EHBP1: variants seen among roughly 807,000 people sequenced by gnomAD.
The protein encoded by EHBP1 is EH domain binding protein 1, also known as EH domain-binding protein 1.
Under a neutral mutation model 144.0 loss-of-function variants are expected in EHBP1, and 55 were observed. That is an observed-to-expected ratio of 0.38 (90% CI 0.31 to 0.48). The LOEUF (loss-of-function observed/expected upper bound fraction) is 0.48, where lower values mean the gene tolerates loss of function less well. EHBP1 is among the 20% of genes least tolerant of loss of function. The pLI is 0.98. For synonymous variants in EHBP1, 469 were observed against 472.7 expected (o/e 0.99, Z 0.10); for missense variants, 1,200 against 1,364.2 (o/e 0.88, Z 1.90).
At position 62,979,248 on chromosome 2, in the gene EHBP1, G is replaced by A. The variant is rs771170462; in HGVS notation, c.2521G>A (p.Ala841Thr). The A allele has an allele frequency of 3.1e-6, 5 of 1,613,802 alleles. No homozygotes were observed. The highest frequency in any genetic ancestry group is 2.2e-5 in the East Asian group (1 of 44,844). ...GAGAGCTCGTCAGCTAATAGCAGAAGCTCGATCTGGAGTGAAGATGTCAGA... is the reference window on the plus strand; with the variant it reads ...GAGAGCTCGTCAGCTAATAGCAGAAACTCGATCTGGAGTGAAGATGTCAGA... ...RERARQLIAE[A>T]RSGVKMSELP... The change falls in exon 15 of 23, where the codon GCT becomes ACT. Residue 841 changes from alanine to threonine, a missense_variant. By Grantham distance (58) the Ala-to-Thr change is moderately conservative (BLOSUM62 0). Coordinates refer to ENST00000431489, the MANE Select transcript of EHBP1 (RefSeq NM_001142616.3).
intron 10 of EHBP1, among the ~76,000 whole-genome samples, chr2:62,939,142 T>A (rs2153063837): frequency 6.6e-6 from 1 of 152,304 alleles, no homozygotes; most frequent in East Asian, 1.9e-4. Context: ...AGCAGACAGA[T>A]AATAACCAGT....
intron 20 of EHBP1, among the ~76,000 whole-genome samples, 177 bp downstream of exon 20, chr2:63,037,811 A>ACTT (rs1446971050): frequency 6.6e-6 from 1 of 152,162 alleles, no homozygotes; most frequent in African/African-American, 2.4e-5. Flanking sequence ...AAGAATTTTT[A>ACTT]AATGGAACAG....
chr2:63,040,290 TA>T (rs2061604503), intron 21 of EHBP1, among the ~76,000 whole-genome samples: 1 of 152,020 alleles, frequency 6.6e-6, no homozygotes, highest in South Asian at 2.1e-4. Flanking sequence ...CTTTCACGTA[TA>T]AAAAGATAAA....
At chr2:63,027,217 C>T (rs1316647960) in intron 19 of EHBP1, among the ~76,000 whole-genome samples, 1 of 152,168 alleles carries the variant, frequency 6.6e-6, no homozygotes, top group South Asian at 2.1e-4. Flanking sequence ...AACATCACTA[C>T]CATTATTATT....
chr2:62,756,073 A>G (rs574212876), intron 3 of EHBP1, among the ~76,000 whole-genome samples: 1 of 151,962 alleles, frequency 6.6e-6, no homozygotes. Flanking sequence ...CAAGAGTTTG[A>G]GACCGGCATG....
chr2:62,768,214 A>G (rs2041350556), intron 4 of EHBP1, among the ~76,000 whole-genome samples: 1 of 152,238 alleles, frequency 6.6e-6, no homozygotes, highest in South Asian at 2.1e-4. Flanking sequence ...AACTCATTCA[A>G]AAGATCAACA....
intron 19 of EHBP1, among the ~76,000 whole-genome samples, chr2:63,018,329 C>T (rs1288710671): frequency 6.6e-6 from 1 of 152,094 alleles, no homozygotes; most frequent in Non-Finnish European, 1.5e-5. Context: ...TTCAAGTCTT[C>T]TTTATTCTCA....
chr2:62,700,564 G>A (rs1404009068), intron 1 of EHBP1, among the ~76,000 whole-genome samples: 1 of 152,128 alleles, frequency 6.6e-6, no homozygotes, highest in Non-Finnish European at 1.5e-5. Context: ...TCATCAGCAA[G>A]GACTCTTTTG....
In EHBP1 at chr2:62,848,935, A is replaced by G. The variant is rs1191624363; in HGVS notation, c.635-10234A>G. On this transcript the variant is annotated intron_variant, in intron 7 of 22. Transcript: ENST00000431489. Reference sequence around the variant, plus strand: ...AAAATACTGGAAAGTAGCATGTAAAAATTATAGTAAATATATTAGGTTTGT... The same window carrying G: ...AAAATACTGGAAAGTAGCATGTAAAGATTATAGTAAATATATTAGGTTTGT... 2.6e-5 allele frequency among the ~76,000 whole-genome samples: 4 copies of G among 152,220 alleles called. No individual in the cohort carries two copies. In the East Asian group the frequency reaches 7.7e-4, roughly 29 times the overall value.
At chr2:62,920,580 T>C (rs1409797177) in intron 10 of EHBP1, among the ~76,000 whole-genome samples, 1 of 152,182 alleles carries the variant, frequency 6.6e-6, no homozygotes, top group Non-Finnish European at 1.5e-5. Flanking sequence ...TAAAAGCTGG[T>C]GTTATTGTAA....
intron 19 of EHBP1, among the ~76,000 whole-genome samples, chr2:63,024,376 G>A (rs1030377750): frequency 1.3e-5 from 2 of 151,930 alleles, no homozygotes; most frequent in Non-Finnish European, 2.9e-5. Flanking sequence ...AAAAAAGATG[G>A]GAAGATTACT....
chr2:62,867,261 GT>G (rs1358924054), intron 9 of EHBP1, among the ~76,000 whole-genome samples: 1 of 152,090 alleles, frequency 6.6e-6, no homozygotes, highest in Admixed American at 6.5e-5. Flanking sequence ...AAAGGATACT[GT>G]TTTAAGCTTC....
intron 11 of EHBP1, among the ~76,000 whole-genome samples, chr2:62,943,376 CAAAA>C (rs11306610): frequency 6.8e-5 from 6 of 87,856 alleles, no homozygotes; most frequent in Admixed American, 1.3e-4. Context: ...AACTCCGTCT[CAAAA>C]AAAAAAAAAA....
intron 5 of EHBP1, among the ~76,000 whole-genome samples, chr2:62,798,252 C>T (rs1392027351): frequency 6.6e-6 from 1 of 152,048 alleles, no homozygotes; most frequent in Non-Finnish European, 1.5e-5. Context: ...CCTTTAATCC[C>T]AACTGCTCGG....
chr2:63,027,794 G>A (rs1037135958), intron 19 of EHBP1, among the ~76,000 whole-genome samples: 1 of 152,228 alleles, frequency 6.6e-6, no homozygotes, highest in African/African-American at 2.4e-5. Context: ...GTGGTTACCA[G>A]GGGCTAAGAT....
At chr2:62,984,929 C>T (rs772435489) in intron 15 of EHBP1, among the ~76,000 whole-genome samples, 10 of 152,096 alleles carry the variant, frequency 6.6e-5, no homozygotes, top group Non-Finnish European at 1.5e-4. Flanking sequence ...CTGAAAGAAC[C>T]CATATACAAC....
chr2:63,039,738 A>G (rs2061584480), intron 21 of EHBP1, among the ~76,000 whole-genome samples: 1 of 152,202 alleles, frequency 6.6e-6, no homozygotes, highest in Non-Finnish European at 1.5e-5. Flanking sequence ...AAATATTTTA[A>G]TAAATATTGT....
intron 10 of EHBP1, among the ~76,000 whole-genome samples, chr2:62,938,815 A>G (rs1343823383): frequency 6.6e-6 from 1 of 151,554 alleles, no homozygotes; most frequent in Non-Finnish European, 1.5e-5. Flanking sequence ...GGAAAAAAAA[A>G]AGAAGAAGAA....
intron 2 of EHBP1, among the ~76,000 whole-genome samples, chr2:62,726,274 C>G (rs1290297160): frequency 2.0e-5 from 3 of 152,232 alleles, no homozygotes; most frequent in African/African-American, 7.2e-5. Context: ...GGAGTCTCCT[C>G]TTGCCAGGAT....
Sources: gnomAD v4.1 joint callset for allele counts (sites outside exome capture counted in the v4.1 genomes callset) on GRCh38, gnomAD v4.1.1 for gene constraint, MANE v1.5 for transcripts, NCBI Gene and HGNC (gene_info 2026-07-23, HGNC 2026-07-21) for gene names.